The following ACOT9 variants were observed in gnomAD, a reference collection of about 807,000 sequenced individuals.
ACOT9 encodes the protein acyl-coenzyme A thioesterase 9, mitochondrial.
A neutral mutation model predicts 39.7 loss-of-function variants in ACOT9; 34 were observed. The observed-to-expected ratio is 0.86, with a 90% CI of 0.65 to 1.14. ACOT9 has a LOEUF of 1.14. Among genes scored for constraint, ACOT9 ranks in the 50% most tolerant of loss-of-function variants. The pLI, the probability that ACOT9 is intolerant of heterozygous loss-of-function variation, is 0.00. For missense variants in ACOT9, 313 were observed against 344.1 expected (o/e 0.91, Z 0.71); for synonymous variants, 110 against 120.5 (o/e 0.91, Z 0.57).
intron 1 of ACOT9, among the ~76,000 whole-genome samples, chrX:23,737,095 T>C (rs1265121050): frequency 1.8e-5 from 2 of 111,211 alleles, no homozygotes; most frequent in African/African-American, 6.5e-5. Flanking sequence ...GGTGGATCAC[T>C]TGAGGTCAGG....
At chrX:23,715,811 T>C (rs1166670561) in intron 8 of ACOT9, among the ~76,000 whole-genome samples, 1 of 112,305 alleles carries the variant, frequency 8.9e-6, no homozygotes, top group Non-Finnish European at 1.9e-5. Flanking sequence ...ACCTGATCAA[T>C]ATTTGCCAAT....
At chrX:23,709,663 C>T (rs1928826040) in intron 9 of ACOT9, among the ~76,000 whole-genome samples, 1 of 111,548 alleles carries the variant, frequency 9.0e-6, no homozygotes, top group South Asian at 3.7e-4. Flanking sequence ...TCACTGCAGA[C>T]TCCTAAATCA....
intron 6 of ACOT9, among the ~76,000 whole-genome samples, chrX:23,726,869 T>A (rs1327640165): frequency 1.8e-5 from 2 of 111,542 alleles, no homozygotes; most frequent in Non-Finnish European, 3.8e-5. Context: ...CGCTCTGTTG[T>A]CCAGGCTGGA....
At chrX:23,742,829 G>A (rs1157179883) in intron 1 of ACOT9, among the ~76,000 whole-genome samples, 1 of 112,609 alleles carries the variant, frequency 8.9e-6, no homozygotes, top group African/African-American at 3.2e-5. Context: ...CACCCCGGAT[G>A]AGCAAGGCCA....
At chrX:23,738,347 G>C (rs1930014871) in intron 1 of ACOT9, among the ~76,000 whole-genome samples, 1 of 108,556 alleles carries the variant, frequency 9.2e-6, no homozygotes, top group Admixed American at 1.0e-4. Flanking sequence ...GGTGGCTCAT[G>C]CCTGTAATCC....
intron 8 of ACOT9, among the ~76,000 whole-genome samples, chrX:23,715,951 T>C (rs898952355): frequency 8.9e-6 from 1 of 112,176 alleles, no homozygotes; most frequent in African/African-American, 3.2e-5. Context: ...AAATGAATGT[T>C]AAATGAATGG....
At position 23,743,255 on chromosome X, in the gene ACOT9, G is replaced by C; in HGVS notation, c.-111C>G. 1.0e-6 allele frequency: 1 copy of C among 969,840 alleles called. No individual in the cohort carries two copies. The highest frequency in any genetic ancestry group is 1.4e-6 in the Non-Finnish European group (1 of 733,461). 79.9% of individuals were successfully genotyped at this position (969,840 alleles called of 1,213,427 possible). A position where few individuals can be genotyped will look rare whatever the true frequency, so the allele number is the denominator to read the frequency against. On this transcript the variant is annotated 5_prime_UTR_variant, in exon 1 of 16. Coordinates refer to ENST00000379303, the MANE Select transcript of ACOT9 (RefSeq NM_001037171.2). ...AGTACCAGACCGCGCCCTTGCTGAG[G>C]ACAGCCCGGGAGCCGGACAGCGGTG...
chrX:23,723,437 A>C (rs963393661), intron 6 of ACOT9, among the ~76,000 whole-genome samples: 8 of 109,335 alleles, frequency 7.3e-5, no homozygotes, highest in Non-Finnish European at 1.1e-4. Context: ...GACATGGTGA[A>C]ACCCCATGTC....
intron 2 of ACOT9, among the ~76,000 whole-genome samples, chrX:23,734,803 T>G (rs1021351354): frequency 6.4e-5 from 7 of 108,655 alleles, no homozygotes; most frequent in Admixed American, 4.0e-4. Flanking sequence ...CTGGCCAAGA[T>G]GGTGAAACCC....
At chrX:23,721,489 T>G (rs1929317227) in intron 8 of ACOT9, among the ~76,000 whole-genome samples, 1 of 111,519 alleles carries the variant, frequency 9.0e-6, no homozygotes, top group African/African-American at 3.3e-5. Context: ...CAATCCATGG[T>G]TGGTTGAATC....
At chrX:23,709,252 G>C (rs4828824) in intron 9 of ACOT9, among the ~76,000 whole-genome samples, 1 of 111,233 alleles carries the variant, frequency 9.0e-6, no homozygotes, top group Non-Finnish European at 1.9e-5. Flanking sequence ...AGTCAGCCGG[G>C]TGTGGTGGTA....
At chrX:23,735,218 G>A (rs1191366070) in intron 2 of ACOT9, among the ~76,000 whole-genome samples, 3 of 86,136 alleles carry the variant, frequency 3.5e-5, no homozygotes, top group Non-Finnish European at 6.6e-5. Context: ...TCCAGCCTGG[G>A]TGACAGAGCA....
intron 5 of ACOT9, 86 bp downstream of exon 5, chrX:23,730,730 C>A: frequency 9.8e-7 from 1 of 1,023,090 alleles, no homozygotes; most frequent in Non-Finnish European, 1.3e-6. Context: ...TTTAAACAGG[C>A]GAATTGTATG....
rs778404243 is a variant in ACOT9, at chrX:23,722,695, T to G, written c.459A>C (p.Ile153=). The change falls in exon 7 of 16, where the codon ATA becomes ATC. Residue 153 remains isoleucine, a synonymous_variant. Coordinates refer to ENST00000379303, the MANE Select transcript of ACOT9 (RefSeq NM_001037171.2). ...CAATCTTATCCACCAGGGCTGTAAC[T>G]ATCGATAAAGGAGACATCTTGGCGG... The part of the protein sequence containing the change: ...IHSAKMSPLS[I]VTALVDKIDM... 2.0e-5 allele frequency: 24 copies of G among 1,200,702 alleles called. No individual in the cohort carries two copies. Among genetic ancestry groups the G allele is most frequent in the Middle Eastern group, 2.3e-4 (1 of 4,323 alleles).
intron 6 of ACOT9, among the ~76,000 whole-genome samples, chrX:23,727,912 T>C (rs1929591800): frequency 9.6e-6 from 1 of 103,943 alleles, no homozygotes; most frequent in Non-Finnish European, 2.0e-5. Context: ...GGCAGGAGAA[T>C]CGCCTGAACC....
Position 23,722,760 on chromosome X carries a change from G to A in ACOT9, c.401-7C>T, listed in dbSNP as rs1929366075. ...TGCATGTAACAAATAAGAACTGCAG[G>A]GAAACAGGAGTGTACCAAATTTTAA... On this transcript the variant is annotated splice_polypyrimidine_tract_variant and splice_region_variant and intron_variant, in intron 6 of 15. Transcript: ENST00000379303. The A allele has an allele frequency of 8.8e-7, 1 of 1,139,277 alleles. No homozygotes were observed. Among genetic ancestry groups the A allele is most frequent in the Non-Finnish European group, 1.2e-6 (1 of 839,559 alleles). 93.9% of individuals were successfully genotyped at this position (1,139,277 alleles called of 1,213,427 possible).
At chrX:23,733,130 A>T in intron 4 of ACOT9, 42 bp downstream of exon 4, 1 of 1,169,065 alleles carries the variant, frequency 8.6e-7, no homozygotes, top group South Asian at 1.8e-5. Flanking sequence ...GTAGTATAAT[A>T]CCTTGGGGAT....
Position 23,736,002 on chromosome X carries a change from C to T in ACOT9, c.35G>A (p.Gly12Asp), listed in dbSNP as rs1256837953. The change falls in exon 2 of 16, where the codon GGC (glycine) becomes GAC (aspartate). Residue 12 changes from glycine (G) to aspartate (D), a missense_variant. By Grantham distance (94) the Gly-to-Asp change is moderately conservative. Coordinates refer to ENST00000379303, the MANE Select transcript of ACOT9 (RefSeq NM_001037171.2). ...TCTTCCAGGAGTAAGCTGCCCTTTG[C>T]CCAAGGCACAAAGCCTATAAAACAA... The part of the protein sequence containing the change: ...RRAALRLCAL[G>D]KGQLTPGRGL... 10 of 1,206,222 alleles carry T rather than the reference C, an allele frequency of 8.3e-6. No individual in the cohort carries two copies. The highest frequency in any genetic ancestry group is 1.1e-5 in the Non-Finnish European group (10 of 893,442).
chrX:23,730,050 T>G (rs1245615782), intron 6 of ACOT9, among the ~76,000 whole-genome samples: 1 of 110,340 alleles, frequency 9.1e-6, no homozygotes, highest in Non-Finnish European at 1.9e-5. Context: ...GAATCTACAT[T>G]TATAAGAAAA....
Sources: allele counts gnomAD v4.1 joint callset (sites outside exome capture counted in the v4.1 genomes callset), GRCh38; gene constraint gnomAD v4.1.1; transcripts MANE v1.5; gene names NCBI Gene and HGNC (gene_info 2026-07-23, HGNC 2026-07-21).